The following ANKRD12 variants were observed in gnomAD, a reference collection of about 807,000 sequenced individuals.
The protein encoded by ANKRD12 is ankyrin repeat domain-containing protein 12.
Under a neutral mutation model 183.4 loss-of-function variants are expected in ANKRD12, and 85 were observed. The ratio of observed to expected loss-of-function variants is 0.46; its 90% CI spans 0.39 to 0.56. The LOEUF (loss-of-function observed/expected upper bound fraction) is 0.56, where lower values mean the gene tolerates loss of function less well. Among genes scored for constraint, ANKRD12 ranks in the 20% least tolerant of loss-of-function variants. The pLI, the probability that ANKRD12 is intolerant of heterozygous loss-of-function variation, is 0.00. For synonymous variants in ANKRD12, 914 were observed against 800.2 expected, an observed-to-expected ratio of 1.14 and a Z score of -2.40; for missense variants, 2,405 against 2,357.1, an observed-to-expected ratio of 1.02 and a Z score of -0.42.
In ANKRD12 at chr18:9,254,588, A is replaced by T. The variant is rs1426824404; in HGVS notation, c.1321A>T (p.Thr441Ser). The change falls in exon 9 of 13, where the codon ACT (threonine) becomes TCT (serine). Residue 441 changes from threonine to serine, a missense_variant. By Grantham distance (58) the Thr-to-Ser change is moderately conservative. Transcript: ENST00000262126. ...EEALQNKKISTSCSVIPETSN... is the reference protein window; with the variant it reads ...EEALQNKKISSSCSVIPETSN... ...AGCTCTTCAGAATAAAAAGATTTCT[A>T]CTTCATGTTCCGTCATCCCTGAAAC... is the stretch of plus-strand genomic sequence containing the variant. 1 of 1,580,400 alleles carries T rather than the reference A, an allele frequency of 6.3e-7. No homozygotes were observed. The highest frequency in any genetic ancestry group is 8.6e-7 in the Non-Finnish European group (1 of 1,168,180).
In ANKRD12 at chr18:9,138,638, T is replaced by C. The variant is rs952491786; in HGVS notation, c.-52+1673T>C. Among the ~76,000 whole-genome samples the C allele has an allele frequency of 2.6e-5, 4 of 152,338 alleles. No individual in the cohort carries two copies. The East Asian group carries it at 7.7e-4, about 29-fold the overall frequency. ...TACAAAGCCTTTCCTGGAGATTAGC[T>C]CAGAACTGGCAGAACATATGCTCTA... On this transcript the variant is annotated intron_variant, in intron 1 of 12. Coordinates refer to ENST00000262126, the MANE Select transcript of ANKRD12 (RefSeq NM_015208.5).
Position 9,139,076 on chromosome 18 carries a change from GT to G in ANKRD12, c.-52+2115del, listed in dbSNP as rs1170970057. Among the ~76,000 whole-genome samples, 8 of 152,202 alleles carry G rather than the reference GT, an allele frequency of 5.3e-5. No individual in the cohort carries two copies. The South Asian group carries it at 1.7e-3, about 32-fold the overall frequency. ...TTGGTAAGAATTAGTTATCGGAATA[GT>G]TTTATGAACTACGCAGAACTGGGAA... On this transcript the variant is annotated intron_variant, in intron 1 of 12. Coordinates refer to ENST00000262126, the MANE Select transcript of ANKRD12 (RefSeq NM_015208.5).
chr18:9,203,547 T>G (rs751981234), intron 3 of ANKRD12, among the ~76,000 whole-genome samples: 1 of 152,166 alleles, frequency 6.6e-6, no homozygotes, highest in African/African-American at 2.4e-5. Flanking sequence ...CATATTTCTC[T>G]GTCATGAATT....
Position 9,255,076 on chromosome 18 carries a change from G to C in ANKRD12, c.1809G>C (p.Lys603Asn), listed in dbSNP as rs2038521219. 1 of 1,578,298 alleles carries C rather than the reference G, an allele frequency of 6.3e-7. No homozygotes were observed. Among genetic ancestry groups the C allele is most frequent in the African/African-American group, 1.4e-5 (1 of 72,562 alleles). The change falls in exon 9 of 13, where the codon AAG (lysine) becomes AAC (asparagine). Residue 603 changes from lysine to asparagine, a missense_variant. Transcript: ENST00000262126. ...CAAGTGTAAAATCTTGTAAGCATAAGGAAAAAAGCAAACATCAGAAAGATT... is the reference window on the plus strand; with the variant it reads ...CAAGTGTAAAATCTTGTAAGCATAACGAAAAAAGCAAACATCAGAAAGATT... ...ESSSVKSCKHKEKSKHQKDFH... is the reference protein window; with the variant it reads ...ESSSVKSCKHNEKSKHQKDFH...
chr18:9,280,428 A>G (rs562378535), intron 12 of ANKRD12, among the ~76,000 whole-genome samples: 32 of 152,284 alleles, frequency 2.1e-4, no homozygotes, highest in African/African-American at 7.0e-4. Flanking sequence ...CCCGTGCTGT[A>G]TAAGGTGAAA....
intron 3 of ANKRD12, among the ~76,000 whole-genome samples, 180 bp from the exon 4 acceptor site, chr18:9,204,296 T>C (rs1045521457): frequency 6.6e-6 from 1 of 152,256 alleles, no homozygotes; most frequent in African/African-American, 2.4e-5. Flanking sequence ...AAATTTGAAA[T>C]ATTAGGTGTT....
At chr18:9,234,225 A>G (rs1598638910) in intron 8 of ANKRD12, among the ~76,000 whole-genome samples, 1 of 152,038 alleles carries the variant, frequency 6.6e-6, no homozygotes, top group African/African-American at 2.4e-5. Flanking sequence ...TGTTTCGCTC[A>G]CCCCAGCCTC....
chr18:9,258,624 A>G lies in ANKRD12; in HGVS notation c.5357A>G (p.Lys1786Arg), dbSNP rs755810128. ...DDDPQIHHPR[K>R]RKVSRVPQPV... ...GATCCTCAAATTCACCATCCACGGA[A>G]AAGGAAAGTGTCACGTGTACCTCAG... Residue 1786 changes from lysine (K) to arginine (R), a missense_variant, in exon 9 of 13, where the codon AAA becomes AGA. By Grantham distance (26) the Lys-to-Arg change is conservative. Around this residue, in one of 7 missense-constraint regions of ANKRD12, gnomAD observed 1,983 missense variants for 1,725.9 expected, o/e 1.15. Coordinates refer to ENST00000262126, the MANE Select transcript of ANKRD12 (RefSeq NM_015208.5). 16 of 1,613,948 alleles carry G rather than the reference A, an allele frequency of 9.9e-6. No individual in the cohort carries two copies. The highest frequency in any genetic ancestry group is 1.3e-5 in the African/African-American group (1 of 75,044).
Position 9,263,866 on chromosome 18 carries a change from G to A in ANKRD12, c.5741G>A (p.Arg1914His), listed in dbSNP as rs1480233775. Residue 1914 changes from arginine (R) to histidine (H), a missense_variant, in exon 10 of 13, where the codon CGT becomes CAT. Coordinates refer to ENST00000262126, the MANE Select transcript of ANKRD12 (RefSeq NM_015208.5). ...RQQEVVRMKLRLQHSIEREKL... is the reference protein window; with the variant it reads ...RQQEVVRMKLHLQHSIEREKL... ...CAGGAAGTTGTAAGGATGAAACTAC[G>A]TTTGCAACACAGTATTGAAAGGGTA... The A allele has an allele frequency of 6.7e-7, 1 of 1,497,522 alleles. No individual in the cohort carries two copies. Among genetic ancestry groups the A allele is most frequent in the Non-Finnish European group, 9.2e-7 (1 of 1,082,594 alleles). 92.8% of individuals were successfully genotyped at this position (1,497,522 alleles called of 1,614,324 possible). A position where few individuals can be genotyped will look rare whatever the true frequency, so the allele number is the denominator to read the frequency against.
intron 1 of ANKRD12, among the ~76,000 whole-genome samples, chr18:9,157,597 A>ATATATATATATATATGTATG (rs913027226): frequency 8.7e-6 from 1 of 114,798 alleles, no homozygotes; most frequent in South Asian, 2.7e-4. Flanking sequence ...ATATATATAT[A>ATATATATATATATATGTATG]TATGTATTTT....
intron 8 of ANKRD12, among the ~76,000 whole-genome samples, chr18:9,227,772 A>C (rs2036807997): frequency 6.6e-6 from 1 of 152,202 alleles, no homozygotes; most frequent in Non-Finnish European, 1.5e-5. Context: ...TAATTGGGGT[A>C]TCCATCACCT....
chr18:9,271,798 A>G (rs1245445203), intron 10 of ANKRD12, among the ~76,000 whole-genome samples: 1 of 152,234 alleles, frequency 6.6e-6, no homozygotes, highest in Non-Finnish European at 1.5e-5. Context: ...GTTTGTAGAC[A>G]TATTCATGAT....
intron 1 of ANKRD12, among the ~76,000 whole-genome samples, chr18:9,176,685 A>G (rs966299815): frequency 6.6e-6 from 1 of 152,244 alleles, no homozygotes; most frequent in Non-Finnish European, 1.5e-5. Context: ...AGTTTACACT[A>G]GAGTTTTTGA....
chr18:9,264,680 C>T (rs1310518137), intron 10 of ANKRD12, among the ~76,000 whole-genome samples: 1 of 152,180 alleles, frequency 6.6e-6, no homozygotes, highest in Non-Finnish European at 1.5e-5. Flanking sequence ...ACAGAATTTA[C>T]AACACTGCAT....
At chr18:9,263,690 ATTTG>A (rs765153845) in intron 9 of ANKRD12, 96 bp from the exon 10 acceptor site, 58 of 765,782 alleles carry the variant, frequency 7.6e-5, no homozygotes, top group South Asian at 1.1e-4. Flanking sequence ...GGACATCAGA[ATTTG>A]TTTTTTTATG....
At chr18:9,272,770 T>C (rs2039665832) in intron 10 of ANKRD12, among the ~76,000 whole-genome samples, 1 of 152,240 alleles carries the variant, frequency 6.6e-6, no homozygotes, top group African/African-American at 2.4e-5. Context: ...GTGTTAGGCC[T>C]ACCTCTTTGA....
At chr18:9,149,788 A>T (rs1270311365) in intron 1 of ANKRD12, among the ~76,000 whole-genome samples, 1 of 146,270 alleles carries the variant, frequency 6.8e-6, no homozygotes, top group Admixed American at 6.8e-5. Context: ...TTATTTATTT[A>T]TTAAATTTTA....
At chr18:9,182,994 C>T (rs1305549758) in intron 2 of ANKRD12, among the ~76,000 whole-genome samples, 1 of 152,006 alleles carries the variant, frequency 6.6e-6, no homozygotes, top group Non-Finnish European at 1.5e-5. Context: ...AAGCCATTTT[C>T]TTACGGAAAG....
chr18:9,250,129 G>T (rs2038202820), intron 8 of ANKRD12: 1 of 152,144 alleles, frequency 6.6e-6, no homozygotes, highest in Non-Finnish European at 1.5e-5. Context: ...GAGTCCATTG[G>T]TCTTTACAAC....
Sources: gnomAD v4.1 joint callset for allele counts (sites outside exome capture counted in the v4.1 genomes callset) on GRCh38, gnomAD v4.1.1 for gene constraint, gnomAD v4.1.1 regional missense constraint, MANE v1.5 for transcripts, NCBI Gene and HGNC (gene_info 2026-07-23, HGNC 2026-07-21) for gene names.